Variants in FBXL20 observed in about 807,000 individuals in gnomAD.
FBXL20 encodes the protein F-box and leucine rich repeat protein 20, also known as F-box/LRR-repeat protein 20.
In FBXL20, 11 loss-of-function variants were observed where a neutral mutation model predicts 64.0. The ratio of observed to expected loss-of-function variants is 0.17; its 90% confidence interval spans 0.11 to 0.28. The LOEUF (loss-of-function observed/expected upper bound fraction) is 0.28, where lower values mean the gene tolerates loss of function less well. Ranked by LOEUF, FBXL20 falls within the 10% of genes least tolerant of loss-of-function variation. The probability of loss-of-function intolerance (pLI) is 1.00; values close to 1 mark genes in which losing one functional copy is unlikely to be tolerated. For synonymous variants in FBXL20, 184 were observed against 189.0 expected, an observed-to-expected ratio of 0.97 and a Z score of 0.22; for missense variants, 303 against 526.2, an observed-to-expected ratio of 0.58 and a Z score of 4.15.
chr17:39,359,725 G>A (rs8065879), intron 1 of FBXL20, among the ~76,000 whole-genome samples: 56,333 of 151,968 alleles, frequency 0.37, 13,141 homozygotes, highest in African/African-American at 0.66. Context: ...TACAGAAAAC[G>A]GTATGGCAGT....
At chr17:39,374,935 T>A (rs2047953130) in intron 1 of FBXL20, among the ~76,000 whole-genome samples, 1 of 152,078 alleles carries the variant, frequency 6.6e-6, no homozygotes, top group Non-Finnish European at 1.5e-5. Context: ...TACAGGCGCG[T>A]GCCACCACAC....
chr17:39,279,937 T>C (rs888605169), intron 9 of FBXL20, among the ~76,000 whole-genome samples: 1 of 151,956 alleles, frequency 6.6e-6, no homozygotes. Context: ...TCCCAGCACT[T>C]TGGGAGGCCG....
intron 1 of FBXL20, among the ~76,000 whole-genome samples, chr17:39,378,772 G>A (rs1007838069): frequency 6.6e-6 from 1 of 151,556 alleles, no homozygotes; most frequent in Admixed American, 6.6e-5. Context: ...ACCACGCCCA[G>A]CTAATTTTTG....
intron 1 of FBXL20, among the ~76,000 whole-genome samples, chr17:39,372,516 CAAAAAAAA>C (rs747264126): frequency 3.9e-4 from 16 of 41,156 alleles, no homozygotes; most frequent in Non-Finnish European, 4.9e-4. Flanking sequence ...AGACTCTGAC[CAAAAAAAA>C]AAAAAAAAAA....
At chr17:39,316,470 T>A (rs778642956) in intron 2 of FBXL20, among the ~76,000 whole-genome samples, 4 of 152,070 alleles carry the variant, frequency 2.6e-5, no homozygotes, top group Non-Finnish European at 5.9e-5. Context: ...AGAGAAAATG[T>A]ACGATGAGCC....
chr17:39,292,439 G>C, intron 6 of FBXL20, among the ~76,000 whole-genome samples: 1 of 140,332 alleles, frequency 7.1e-6, no homozygotes. Flanking sequence ...CTTGAGTGCA[G>C]TGGCTATTAA....
At chr17:39,312,875 CTAA>C in intron 2 of FBXL20, among the ~76,000 whole-genome samples, 1 of 148,290 alleles carries the variant, frequency 6.7e-6, no homozygotes, top group South Asian at 2.1e-4. Context: ...TGTGCCCGGC[CTAA>C]ATTCTATTTA....
intron 1 of FBXL20, among the ~76,000 whole-genome samples, chr17:39,348,453 C>T (rs534312912): frequency 6.0e-4 from 82 of 136,920 alleles, no homozygotes; most frequent in Non-Finnish European, 8.5e-4. Flanking sequence ...AACGAGACTC[C>T]GTCTCAAAAA....
intron 1 of FBXL20, among the ~76,000 whole-genome samples, chr17:39,393,300 T>C (rs187938358): frequency 6.6e-6 from 1 of 150,968 alleles, no homozygotes; most frequent in Non-Finnish European, 1.5e-5. Flanking sequence ...GAAAAAAAAA[T>C]AATAAATAAT....
upstream of FBXL20, chr17:39,402,283 TGCCGCC>T: frequency 8.7e-7 from 1 of 1,152,658 alleles, no homozygotes; most frequent in Non-Finnish European, 1.1e-6. Context: ...CCTCCGCGGT[TGCCGCC>T]GCCGCCGCCT....
At chr17:39,399,053 C>A (rs776510747) in intron 1 of FBXL20, among the ~76,000 whole-genome samples, 3 of 152,160 alleles carry the variant, frequency 2.0e-5, no homozygotes, top group Admixed American at 2.0e-4. Context: ...CCTCCAGTTA[C>A]AACATATAAA....
intron 2 of FBXL20, among the ~76,000 whole-genome samples, chr17:39,328,547 T>C (rs539772060): frequency 2.6e-4 from 40 of 152,160 alleles, no homozygotes; most frequent in Non-Finnish European, 4.6e-4. Context: ...CTGAATATAT[T>C]AGCAATCCAT....
upstream of FBXL20, chr17:39,402,199 G>T: frequency 8.1e-7 from 1 of 1,232,496 alleles, no homozygotes; most frequent in African/African-American, 1.5e-5. Flanking sequence ...AAGTGCAGCA[G>T]GCGGTCCCTG....
chr17:39,340,394 TA>T (rs1022046066), intron 2 of FBXL20, among the ~76,000 whole-genome samples: 136 of 152,012 alleles, frequency 8.9e-4, no homozygotes, highest in African/African-American at 3.1e-3. Flanking sequence ...CGCGCCCGAC[TA>T]ATTTCTGTAT....
chr17:39,369,256 C>CTTTT (rs72363930), intron 1 of FBXL20, among the ~76,000 whole-genome samples: 41 of 98,568 alleles, frequency 4.2e-4, no homozygotes, highest in Non-Finnish European at 6.5e-4. Flanking sequence ...GAATTCAATG[C>CTTTT]TTTTTTTTTT....
intron 2 of FBXL20, among the ~76,000 whole-genome samples, chr17:39,307,589 A>C (rs1336167203): frequency 1.3e-5 from 2 of 152,154 alleles, no homozygotes; most frequent in African/African-American, 4.8e-5. Context: ...GACTCCTTAA[A>C]ACAATTCTAT....
At chr17:39,320,040 CTTAT>C (rs568642711) in intron 2 of FBXL20, among the ~76,000 whole-genome samples, 137 of 152,214 alleles carry the variant, frequency 9.0e-4, no homozygotes, top group African/African-American at 2.9e-3. Flanking sequence ...GTCACTGTTG[CTTAT>C]TTATTTTCCC....
intron 1 of FBXL20, among the ~76,000 whole-genome samples, chr17:39,344,051 G>A (rs7218484): frequency 0.37 from 56,383 of 151,832 alleles, 13,200 homozygotes; most frequent in African/African-American, 0.66. Context: ...TTTAGTAGAG[G>A]TGGAGTTTCA....
chr17:39,324,603 T>C (rs916560611), intron 2 of FBXL20, among the ~76,000 whole-genome samples: 2 of 152,134 alleles, frequency 1.3e-5, no homozygotes, highest in Non-Finnish European at 2.9e-5. Context: ...CTTAATAATA[T>C]TAAAGAGGGA....
Sources: gnomAD v4.1 joint callset for allele counts (sites outside exome capture counted in the v4.1 genomes callset) on GRCh38, gnomAD v4.1.1 for gene constraint, MANE v1.5 for transcripts, NCBI Gene and HGNC (gene_info 2026-07-23, HGNC 2026-07-21) for gene names.